The following IQCM variants were observed in gnomAD, a reference collection of about 807,000 sequenced individuals.
IQCM encodes the protein IQ domain-containing protein M.
IQCM carries 45 observed loss-of-function variants against 57.6 expected under a neutral mutation model. The ratio of observed to expected loss-of-function variants is 0.78; its 90% CI spans 0.62 to 1.00. The LOEUF (loss-of-function observed/expected upper bound fraction) is 1.00. Among genes scored for constraint, IQCM ranks in the 50% least tolerant of loss-of-function variants. IQCM has a pLI of 0.00. For synonymous variants in IQCM, 148 were observed against 158.9 expected (o/e 0.93, Z 0.51); for missense variants, 468 against 511.6 (o/e 0.91, Z 0.82).
chr4:149,766,649 C>A (rs1026646395), intron 2 of IQCM, among the ~76,000 whole-genome samples: 3 of 152,096 alleles, frequency 2.0e-5, no homozygotes, highest in African/African-American at 7.2e-5. Flanking sequence ...CCCCACAGGT[C>A]GTATGGTCTT....
intron 5 of IQCM, among the ~76,000 whole-genome samples, chr4:149,712,836 A>C (rs950213734): frequency 1.3e-5 from 2 of 152,188 alleles, no homozygotes; most frequent in Admixed American, 6.5e-5. Flanking sequence ...AGAGGACTAT[A>C]ATGAACATTT....
At chr4:149,680,523 A>C (rs1051302898) in intron 7 of IQCM, among the ~76,000 whole-genome samples, 7 of 151,362 alleles carry the variant, frequency 4.6e-5, no homozygotes, top group African/African-American at 1.7e-4. Context: ...ATAATACTGA[A>C]GTATACTTCA....
intron 2 of IQCM, chr4:149,780,318 G>C (rs1301556366): frequency 1.3e-5 from 2 of 151,960 alleles, no homozygotes; most frequent in Non-Finnish European, 2.9e-5. Flanking sequence ...CGTCTTGATG[G>C]ATTAGCCTGA....
chr4:149,805,413 C>T (rs932061858), intron 2 of IQCM, among the ~76,000 whole-genome samples: 1 of 152,028 alleles, frequency 6.6e-6, no homozygotes, highest in Non-Finnish European at 1.5e-5. Context: ...AAGTGTTTTT[C>T]GACATTTTCC....
chr4:149,440,642 C>T (rs936506728), intron 12 of IQCM, among the ~76,000 whole-genome samples: 4 of 151,996 alleles, frequency 2.6e-5, no homozygotes, highest in African/African-American at 9.7e-5. Flanking sequence ...TTTCTAGATT[C>T]AAGAGGCAAA....
chr4:149,526,777 C>G (rs930025948), intron 12 of IQCM, among the ~76,000 whole-genome samples: 1 of 151,948 alleles, frequency 6.6e-6, no homozygotes, highest in Non-Finnish European at 1.5e-5. Flanking sequence ...AATATGTAAA[C>G]TGTGAATGCA....
chr4:149,421,551 C>T (rs1734121980), intron 13 of IQCM, among the ~76,000 whole-genome samples: 1 of 151,904 alleles, frequency 6.6e-6, no homozygotes, highest in Non-Finnish European at 1.5e-5. Flanking sequence ...ATACACACAG[C>T]TGTCAATATG....
chr4:149,507,900 G>C lies in IQCM; in HGVS notation c.1228+40555C>G, dbSNP rs545601762. ...GAGGTTTGGGAGGGAAAAATGGTTTGGTGGGCTGAGCCAGGGTCCCTCTGC... is the reference window on the plus strand; with the variant it reads ...GAGGTTTGGGAGGGAAAAATGGTTTCGTGGGCTGAGCCAGGGTCCCTCTGC... On this transcript the variant is annotated intron_variant, in intron 12 of 13. Coordinates refer to ENST00000636793, the MANE Select transcript of IQCM (RefSeq NM_001363507.2). Among the ~76,000 whole-genome samples the C allele has an allele frequency of 1.1e-4, 16 of 152,120 alleles. No individual in the cohort carries two copies. The South Asian group carries it at 3.3e-3, about 32-fold the overall frequency.
At chr4:149,699,695 CAAAAAAAA>C (rs34250922) in intron 5 of IQCM, among the ~76,000 whole-genome samples, 2 of 25,938 alleles carry the variant, frequency 7.7e-5, no homozygotes, top group African/African-American at 1.3e-4. Context: ...GTTTGAGTGG[CAAAAAAAA>C]AAAAAAAAAA....
chr4:149,644,314 C>A (rs1256274162), intron 7 of IQCM, among the ~76,000 whole-genome samples: 3 of 152,148 alleles, frequency 2.0e-5, no homozygotes, highest in African/African-American at 7.2e-5. Flanking sequence ...TTTCCTCCCC[C>A]AAGAGCTAAC....
intron 2 of IQCM, among the ~76,000 whole-genome samples, chr4:149,777,940 G>C (rs917391711): frequency 2.6e-5 from 4 of 151,654 alleles, no homozygotes; most frequent in Non-Finnish European, 5.9e-5. Context: ...CAAAAAAAAA[G>C]GCCCAAACCA....
chr4:149,353,434 A>G (rs1335047416), intron 13 of IQCM, among the ~76,000 whole-genome samples: 1 of 152,216 alleles, frequency 6.6e-6, no homozygotes, highest in African/African-American at 2.4e-5. Flanking sequence ...TCTTCTGGGC[A>G]TATACCCAAA....
At chr4:149,466,409 A>G (rs1296382513) in intron 12 of IQCM, among the ~76,000 whole-genome samples, 1 of 152,180 alleles carries the variant, frequency 6.6e-6, no homozygotes, top group Admixed American at 6.5e-5. Context: ...TCTCTTTTGC[A>G]TGGGTCAAGC....
intron 7 of IQCM, among the ~76,000 whole-genome samples, chr4:149,681,210 A>C (rs1762150718): frequency 6.6e-6 from 1 of 151,208 alleles, no homozygotes; most frequent in Admixed American, 6.6e-5. Flanking sequence ...ATTTGCCTAC[A>C]TTTACTTCCA....
At chr4:149,802,890 C>G (rs540373822) in intron 2 of IQCM, among the ~76,000 whole-genome samples, 5 of 152,024 alleles carry the variant, frequency 3.3e-5, no homozygotes, top group African/African-American at 7.2e-5. Flanking sequence ...AAATGCTGCT[C>G]TACATATGAC....
intron 12 of IQCM, among the ~76,000 whole-genome samples, chr4:149,447,086 A>G (rs1230984055): frequency 6.6e-6 from 1 of 151,538 alleles, no homozygotes; most frequent in Non-Finnish European, 1.5e-5. Context: ...AACAAAAACA[A>G]AAGAATTATT....
chr4:149,465,453 G>A (rs1162613186), intron 12 of IQCM, among the ~76,000 whole-genome samples: 1 of 152,110 alleles, frequency 6.6e-6, no homozygotes, highest in Non-Finnish European at 1.5e-5. Flanking sequence ...CTGATTAACT[G>A]CATTCTAAGT....
chr4:149,684,054 A>AT (rs998555011), intron 6 of IQCM, among the ~76,000 whole-genome samples: 1 of 151,378 alleles, frequency 6.6e-6, no homozygotes, highest in African/African-American at 2.4e-5. Flanking sequence ...GCACCAAATA[A>AT]TATCAACTAA....
intron 13 of IQCM, among the ~76,000 whole-genome samples, chr4:149,412,530 T>G (rs746278049): frequency 6.6e-6 from 1 of 152,180 alleles, no homozygotes; most frequent in African/African-American, 2.4e-5. Flanking sequence ...CTCACATTTC[T>G]TCTACTCACT....
Sources: allele counts gnomAD v4.1 joint callset (sites outside exome capture counted in the v4.1 genomes callset), GRCh38; gene constraint gnomAD v4.1.1; transcripts MANE v1.5; gene names NCBI Gene and HGNC (gene_info 2026-07-23, HGNC 2026-07-21).